The following CALN1 variants were observed in gnomAD, a reference collection of about 807,000 sequenced individuals.
The protein encoded by CALN1 is calcium-binding protein 8.
CALN1 carries 17 observed loss-of-function variants against 30.6 expected under a neutral mutation model. The observed-to-expected ratio is 0.56, with a 90% CI of 0.38 to 0.83. The LOEUF is 0.83. Among genes scored for constraint, CALN1 ranks in the 40% least tolerant of loss-of-function variants. CALN1 has a pLI of 0.00. For missense variants in CALN1, 291 were observed against 354.9 expected, an observed-to-expected ratio of 0.82 and a Z score of 1.45; for synonymous variants, 156 against 131.4, an observed-to-expected ratio of 1.19 and a Z score of -1.28.
intron 3 of CALN1, among the ~76,000 whole-genome samples, chr7:72,175,350 G>A (rs1456222525): frequency 6.6e-6 from 1 of 152,074 alleles, no homozygotes; most frequent in African/African-American, 2.4e-5. Context: ...TGGGATTATG[G>A]GAGTGAGCCA....
At chr7:72,303,887 G>A (rs1000915809) in intron 2 of CALN1, among the ~76,000 whole-genome samples, 6 of 152,146 alleles carry the variant, frequency 3.9e-5, no homozygotes, top group African/African-American at 1.4e-4. Context: ...AAAATAAAAA[G>A]TAAATGTTAT....
intron 3 of CALN1, among the ~76,000 whole-genome samples, chr7:72,163,403 A>AAAC (rs1222113983): frequency 1.3e-5 from 2 of 151,440 alleles, no homozygotes; most frequent in Non-Finnish European, 2.9e-5. Context: ...AAAAAAAAAA[A>AAAC]AAAAAAACAG....
At chr7:72,495,433 AC>A in the CALN1 span, among the ~76,000 whole-genome samples, 1 of 152,080 alleles carries the variant, frequency 6.6e-6, no homozygotes, top group Non-Finnish European at 1.5e-5. Flanking sequence ...ATTGATTGAG[AC>A]CTACTCTGCA....
At chr7:72,471,285 A>G in the CALN1 span, among the ~76,000 whole-genome samples, 1 of 152,154 alleles carries the variant, frequency 6.6e-6, no homozygotes, top group Non-Finnish European at 1.5e-5. Context: ...TAGATGCTCA[A>G]GGATACCCCT....
intron 3 of CALN1, among the ~76,000 whole-genome samples, chr7:72,195,313 C>G (rs1442525210): frequency 1.3e-5 from 2 of 152,186 alleles, no homozygotes; most frequent in African/African-American, 2.4e-5. Context: ...TATTTAAATT[C>G]AGGCACATAT....
chr7:72,010,010 C>T (rs1284865003), intron 5 of CALN1, among the ~76,000 whole-genome samples: 1 of 152,124 alleles, frequency 6.6e-6, no homozygotes, highest in Non-Finnish European at 1.5e-5. Flanking sequence ...TCAGTCAACA[C>T]AAATGGGATA....
chr7:72,358,260 G>A (rs1803357424), intron 2 of CALN1, among the ~76,000 whole-genome samples: 2 of 151,968 alleles, frequency 1.3e-5, no homozygotes, highest in South Asian at 4.1e-4. Flanking sequence ...CTCCCAAAGT[G>A]CTAGGATTAT....
chr7:72,263,185 T>C (rs951326023), intron 3 of CALN1, among the ~76,000 whole-genome samples: 2 of 152,180 alleles, frequency 1.3e-5, no homozygotes, highest in Non-Finnish European at 2.9e-5. Context: ...ATTGTTCCCA[T>C]ACTGTGTGTA....
chr7:71,981,459 G>A (rs1798389253), intron 5 of CALN1, among the ~76,000 whole-genome samples: 1 of 152,090 alleles, frequency 6.6e-6, no homozygotes, highest in Non-Finnish European at 1.5e-5. Flanking sequence ...GATCACCTGA[G>A]GTCAAGAGTT....
At chr7:71,986,464 C>T (rs374272566) in intron 5 of CALN1, among the ~76,000 whole-genome samples, 2 of 152,326 alleles carry the variant, frequency 1.3e-5, no homozygotes, top group African/African-American at 2.4e-5. Context: ...ATTCTCAACA[C>T]GCACAGTGTG....
At chr7:72,194,263 C>T (rs1326902792) in intron 3 of CALN1, among the ~76,000 whole-genome samples, 1 of 152,200 alleles carries the variant, frequency 6.6e-6, no homozygotes, top group Non-Finnish European at 1.5e-5. Context: ...AGTGTGGTAG[C>T]TCATGCCTGT....
intron 6 of CALN1, among the ~76,000 whole-genome samples, chr7:71,798,061 CAGAGAGAGAG>C (rs147120862): frequency 2.6e-5 from 3 of 116,878 alleles, no homozygotes; most frequent in Non-Finnish European, 5.2e-5. Context: ...GAGAGAGAGA[CAGAGAGAGAG>C]AGAGAGACAG....
intron 5 of CALN1, among the ~76,000 whole-genome samples, chr7:71,909,364 A>G (rs1311350855): frequency 6.6e-6 from 1 of 152,186 alleles, no homozygotes; most frequent in Non-Finnish European, 1.5e-5. Flanking sequence ...TTGCGATAAA[A>G]TCAGGTATGC....
At chr7:72,421,573 CTTTTTTTTTTTTTTTT>C (rs772198450) in intron 1 of CALN1, among the ~76,000 whole-genome samples, 1 of 58,624 alleles carries the variant, frequency 1.7e-5, no homozygotes, top group Non-Finnish European at 3.1e-5. Context: ...TTTTATCCTA[CTTTTTTTTTTTTTTTT>C]TTTTTTTTTT....
chr7:72,421,574 T>C (rs1301525836), intron 1 of CALN1, among the ~76,000 whole-genome samples: 2 of 60,130 alleles, frequency 3.3e-5, no homozygotes, highest in Non-Finnish European at 6.0e-5. Context: ...TTTATCCTAC[T>C]TTTTTTTTTT....
At chr7:72,321,706 G>A (rs1267964088) in intron 2 of CALN1, among the ~76,000 whole-genome samples, 2 of 152,182 alleles carry the variant, frequency 1.3e-5, no homozygotes, top group South Asian at 2.1e-4. Flanking sequence ...AATTAACTGT[G>A]ACATCGCTGG....
chr7:71,872,434 A>G lies in CALN1; in HGVS notation c.502-61942T>C, dbSNP rs137951884. ...AATGTATTGTTTCCTTGCAATTTCAATGTCGCTTTTCTGTACATAACTTGT... is the reference window on the plus strand; with the variant it reads ...AATGTATTGTTTCCTTGCAATTTCAGTGTCGCTTTTCTGTACATAACTTGT... On this transcript the variant is annotated intron_variant, in intron 5 of 6. Coordinates refer to ENST00000395275, the MANE Select transcript of CALN1 (RefSeq NM_031468.4). Among the ~76,000 whole-genome samples the G allele has an allele frequency of 2.0e-4, 30 of 152,006 alleles. No individual in the cohort carries two copies. In the East Asian group the frequency reaches 5.5e-3, roughly 28 times the overall value.
intron 1 of CALN1, among the ~76,000 whole-genome samples, chr7:72,426,923 T>C (rs1165282646): frequency 6.6e-6 from 1 of 152,188 alleles, no homozygotes; most frequent in Admixed American, 6.5e-5. Flanking sequence ...CAAGCCCCTG[T>C]CTTCCCCCTC....
At chr7:72,295,531 T>C (rs949822313) in intron 2 of CALN1, among the ~76,000 whole-genome samples, 5 of 149,892 alleles carry the variant, frequency 3.3e-5, no homozygotes, top group Non-Finnish European at 5.9e-5. Flanking sequence ...TATCCTCTTT[T>C]ATTTCCTTGA....
Sources: gnomAD v4.1 joint callset for allele counts (sites outside exome capture counted in the v4.1 genomes callset) on GRCh38, gnomAD v4.1.1 for gene constraint, MANE v1.5 for transcripts, NCBI Gene and HGNC (gene_info 2026-07-23, HGNC 2026-07-21) for gene names.